The following NIT2 variants were observed in gnomAD, a reference collection of about 807,000 sequenced individuals.
NIT2 encodes the protein nitrilase family member 2, also known as omega-amidase NIT2.
In NIT2, 46 loss-of-function variants were observed where a neutral mutation model predicts 42.7. That is an observed-to-expected ratio of 1.08 (90% CI 0.85 to 1.38). The LOEUF (loss-of-function observed/expected upper bound fraction) is 1.38, where lower values mean the gene tolerates loss of function less well. Ranked by LOEUF, NIT2 falls within the 40% of genes most tolerant of loss-of-function variation. The probability of loss-of-function intolerance (pLI) is 0.00; values close to 1 mark genes in which losing one functional copy is unlikely to be tolerated. For missense variants in NIT2, 309 were observed against 342.5 expected (o/e 0.90, Z 0.77); for synonymous variants, 123 against 121.9 (o/e 1.01, Z -0.06).
At position 100,338,973 on chromosome 3, in the gene NIT2, C is replaced by T; in HGVS notation, c.8-114C>T. ...TTGTGGCATCAAAGGTATCTTCAGA[C>T]ATTGTCAGATGTCCCCCCGGGGACA... On this transcript the variant is annotated intron_variant, in intron 1 of 9. Coordinates refer to ENST00000394140, the MANE Select transcript of NIT2 (RefSeq NM_020202.5). 9 of 760,534 alleles carry T rather than the reference C, an allele frequency of 1.2e-5. No homozygotes were observed. In the South Asian group the frequency reaches 1.3e-4, roughly 11 times the overall value. 47.1% of individuals were successfully genotyped at this position (760,534 alleles called of 1,614,324 possible). A position where few individuals can be genotyped will look rare whatever the true frequency, so the allele number is the denominator to read the frequency against.
intron 3 of NIT2, among the ~76,000 whole-genome samples, chr3:100,340,848 A>C (rs1576199103): frequency 6.6e-6 from 1 of 152,182 alleles, no homozygotes; most frequent in Non-Finnish European, 1.5e-5. Flanking sequence ...GAAAGATCAT[A>C]TTCAAGAAGG....
Position 100,352,310 on chromosome 3 carries a change from T to C in NIT2, c.585-94T>C, listed in dbSNP as rs539758439. ...TCTACATCTGAGTTAGCCTGAACTATCCTATTTTTTAAAAGAAGGATCTAT... is the reference window on the plus strand; with the variant it reads ...TCTACATCTGAGTTAGCCTGAACTACCCTATTTTTTAAAAGAAGGATCTAT... On this transcript the variant is annotated intron_variant, in intron 7 of 9. Coordinates refer to ENST00000394140, the MANE Select transcript of NIT2 (RefSeq NM_020202.5). 5.4e-6 allele frequency: 5 copies of C among 929,276 alleles called. No individual in the cohort carries two copies. In the South Asian group the frequency reaches 7.4e-5, roughly 14 times the overall value. 57.6% of individuals were successfully genotyped at this position (929,276 alleles called of 1,614,324 possible). A position where few individuals can be genotyped will look rare whatever the true frequency, so the allele number is the denominator to read the frequency against.
At chr3:100,343,051 C>CA (rs1706173179) in intron 4 of NIT2, among the ~76,000 whole-genome samples, 1 of 142,954 alleles carries the variant, frequency 7.0e-6, no homozygotes, top group East Asian at 2.0e-4. Context: ...GTTATCTAGC[C>CA]TTTTTTTTTT....
intron 1 of NIT2, among the ~76,000 whole-genome samples, chr3:100,337,099 G>A (rs1452261326): frequency 1.3e-5 from 2 of 152,206 alleles, no homozygotes; most frequent in East Asian, 1.9e-4. Context: ...ATCTTGCACA[G>A]CCCTTAATCC....
chr3:100,361,122 G>C lies in NIT2; in HGVS notation c.*5854G>C, dbSNP rs1706379974. On this transcript the variant is annotated 3_prime_UTR_variant, in exon 10 of 10. Transcript: ENST00000394140. Reference sequence around the variant, plus strand: ...ATTCAGAAAACTAGTTTTCAAGAAGGGTAACATCTTAGACCTTTTACAGCT... The same window carrying C: ...ATTCAGAAAACTAGTTTTCAAGAAGCGTAACATCTTAGACCTTTTACAGCT... 1 of 152,890 alleles carries C rather than the reference G, an allele frequency of 6.5e-6. No homozygotes were observed. The highest frequency in any genetic ancestry group is 1.9e-4 in the East Asian group (1 of 5,180). 9.5% of individuals were successfully genotyped at this position (152,890 alleles called of 1,614,324 possible).
At position 100,357,017 on chromosome 3, in the gene NIT2, T is replaced by TAAA. The variant is rs1706331243; in HGVS notation, c.*1750_*1751insAAA. 6.6e-6 allele frequency: 1 copy of TAAA among 152,250 alleles called. No individual in the cohort carries two copies. The highest frequency in any genetic ancestry group is 2.4e-5 in the African/African-American group (1 of 41,468). 9.4% of individuals were successfully genotyped at this position (152,250 alleles called of 1,614,324 possible). A position where few individuals can be genotyped will look rare whatever the true frequency, so the allele number is the denominator to read the frequency against. On this transcript the variant is annotated 3_prime_UTR_variant, in exon 10 of 10. Coordinates refer to ENST00000394140, the MANE Select transcript of NIT2 (RefSeq NM_020202.5). ...TCTTTCATTTTTAGACGGAAGCATT[T>TAAA]AGACCTCAAAATTACTTGGAGATTC...
chr3:100,356,274 G>C lies in NIT2; in HGVS notation c.*1006G>C, dbSNP rs949321311. 1 of 152,180 alleles carries C rather than the reference G, an allele frequency of 6.6e-6. No homozygotes were observed. Among genetic ancestry groups the C allele is most frequent in the African/African-American group, 2.4e-5 (1 of 41,450 alleles). The allele number at this position is 152,180 out of a possible 1,614,324, so 9.4% of individuals were successfully genotyped here. A position where few individuals can be genotyped will look rare whatever the true frequency, so the allele number is the denominator to read the frequency against. The stretch of plus-strand genomic sequence containing the variant: ...TGAACAACCAGCTATTTGAGAAAAA[G>C]CCCTGATTTTGCTGCTTTTCATGGT... On this transcript the variant is annotated 3_prime_UTR_variant, in exon 10 of 10. Coordinates refer to ENST00000394140, the MANE Select transcript of NIT2 (RefSeq NM_020202.5).
Position 100,345,656 on chromosome 3 carries a change from T to C in NIT2, c.408T>C (p.Asp136=). The C allele has an allele frequency of 6.2e-7, 1 of 1,612,204 alleles. No individual in the cohort carries two copies. The highest frequency in any genetic ancestry group is 8.5e-7 in the Non-Finnish European group (1 of 1,178,418). ...AATCTAAAACATTGAGTCCGGGTGA[T>C]AGTTTCTCCACATTTGATACTCGTA... The part of the protein sequence containing the change: ...FQESKTLSPG[D]SFSTFDTPYC... The change falls in exon 5 of 10, where the codon GAT becomes GAC. Residue 136 remains aspartate (D), a synonymous_variant. Coordinates refer to ENST00000394140, the MANE Select transcript of NIT2 (RefSeq NM_020202.5).
At position 100,341,130 on chromosome 3, in the gene NIT2, C is replaced by T. The variant is rs1164618918; in HGVS notation, c.305C>T (p.Pro102Leu). 5 of 1,613,240 alleles carry T rather than the reference C, an allele frequency of 3.1e-6. No individual in the cohort carries two copies. In the Admixed American group the frequency reaches 8.3e-5, roughly 27 times the overall value. Reference sequence around the variant, plus strand: ...TATAACACCTGTGCTGTGTTTGGGCCTGATGGAACTTTACTAGCAAAGTAT... The same window carrying T: ...TATAACACCTGTGCTGTGTTTGGGCTTGATGGAACTTTACTAGCAAAGTAT... ...KLYNTCAVFG[P>L]DGTLLAKYRK... is the part of the protein sequence containing the mutation. The change falls in exon 4 of 10, where the codon CCT becomes CTT. Residue 102 changes from proline to leucine, a missense_variant. Coordinates refer to ENST00000394140, the MANE Select transcript of NIT2 (RefSeq NM_020202.5).
intron 1 of NIT2, 65 bp downstream of exon 1, chr3:100,334,863 C>G: frequency 7.9e-7 from 1 of 1,272,674 alleles, no homozygotes. Context: ...GGAGCGGCGC[C>G]GGCGGTGGCT....
In NIT2 at chr3:100,358,244, T is replaced by C. The variant is rs757914889; in HGVS notation, c.*2976T>C. 2.0e-5 allele frequency: 3 copies of C among 152,194 alleles called. No individual in the cohort carries two copies. Among genetic ancestry groups the C allele is most frequent in the Non-Finnish European group, 2.9e-5 (2 of 68,032 alleles). 9.4% of individuals were successfully genotyped at this position (152,194 alleles called of 1,614,324 possible). On this transcript the variant is annotated 3_prime_UTR_variant, in exon 10 of 10. Transcript: ENST00000394140. ...CATTTTATTCTCAGAAAATGTGTGGTAACCTGGCCCTGGATTTTACCTTTT... is the reference window on the plus strand; with the variant it reads ...CATTTTATTCTCAGAAAATGTGTGGCAACCTGGCCCTGGATTTTACCTTTT...
At chr3:100,355,110 G>C in intron 9 of NIT2, 67 bp from the exon 10 acceptor site, 1 of 1,190,830 alleles carries the variant, frequency 8.4e-7, no homozygotes. Context: ...TACAGTCAGG[G>C]GAAGAAATCC....
rs777638949 is a variant in NIT2, at chr3:100,339,922, A to G, written c.234A>G (p.Ile78Met). The G allele has an allele frequency of 1.9e-6, 3 of 1,612,854 alleles. No individual in the cohort carries two copies. The highest frequency in any genetic ancestry group is 1.7e-5 in the Admixed American group (1 of 59,852). ...KLSEVAKECS[I>M]YLIGGSIPEE... is the part of the protein sequence containing the mutation. ...CTGAAGTAGCAAAGGAATGCAGCAT[A>G]TATCTCATTGGAGGTAACTTCCTAC... is the stretch of plus-strand genomic sequence containing the variant. The change falls in exon 3 of 10, where the codon ATA becomes ATG. Residue 78 changes from isoleucine (I) to methionine (M), a missense_variant. Ile to Met is a conservative substitution (Grantham distance 10). Coordinates refer to ENST00000394140, the MANE Select transcript of NIT2 (RefSeq NM_020202.5).
At chr3:100,341,752 G>A (rs990852981) in intron 4 of NIT2, among the ~76,000 whole-genome samples, 36 of 151,826 alleles carry the variant, frequency 2.4e-4, no homozygotes, top group African/African-American at 7.5e-4. Flanking sequence ...TATTAAATGC[G>A]TATACATGAC....
Position 100,359,729 on chromosome 3 carries a change from T to C in NIT2, c.*4461T>C, listed in dbSNP as rs1706358047. The stretch of plus-strand genomic sequence containing the variant: ...AGCTACATGCATGGTCTTCAATATA[T>C]GCCGATAATTCTCATTCACATAGCT... On this transcript the variant is annotated 3_prime_UTR_variant, in exon 10 of 10. Coordinates refer to ENST00000394140, the MANE Select transcript of NIT2 (RefSeq NM_020202.5). 1 of 152,242 alleles carries C rather than the reference T, an allele frequency of 6.6e-6. No homozygotes were observed. The highest frequency in any genetic ancestry group is 6.5e-5 in the Admixed American group (1 of 15,282). 9.4% of individuals were successfully genotyped at this position (152,242 alleles called of 1,614,324 possible).
Position 100,360,003 on chromosome 3 carries a change from A to C in NIT2, c.*4735A>C, listed in dbSNP as rs1014409400. 6 of 152,244 alleles carry C rather than the reference A, an allele frequency of 3.9e-5. No individual in the cohort carries two copies. The highest frequency in any genetic ancestry group is 1.4e-4 in the African/African-American group (6 of 41,452). The allele number at this position is 152,244 out of a possible 1,614,324, so 9.4% of individuals were successfully genotyped here. ...TTTAGAGACTACCTTCCTCTGAAGC[A>C]TATGACAGGTTCATTTACTATCCAG... On this transcript the variant is annotated 3_prime_UTR_variant, in exon 10 of 10. Coordinates refer to ENST00000394140, the MANE Select transcript of NIT2 (RefSeq NM_020202.5).
intron 6 of NIT2, among the ~76,000 whole-genome samples, chr3:100,347,783 G>A (rs147582857): frequency 1.3e-5 from 2 of 152,280 alleles, no homozygotes; most frequent in East Asian, 3.9e-4. Flanking sequence ...AGAAAATAGT[G>A]GAAGTATGGA....
At chr3:100,348,232 C>T (rs949309098) in intron 6 of NIT2, among the ~76,000 whole-genome samples, 3 of 152,192 alleles carry the variant, frequency 2.0e-5, no homozygotes, top group South Asian at 2.1e-4. Context: ...ATATTCATGA[C>T]GCTTCCTAGA....
chr3:100,352,242 A>T (rs535443820), intron 7 of NIT2, among the ~76,000 whole-genome samples, 162 bp from the exon 8 acceptor site: 1 of 152,326 alleles, frequency 6.6e-6, no homozygotes, highest in South Asian at 2.1e-4. Flanking sequence ...CCATTTGAGT[A>T]AGGTAACTTT....
Sources: gnomAD v4.1 joint callset for allele counts (sites outside exome capture counted in the v4.1 genomes callset) on GRCh38, gnomAD v4.1.1 for gene constraint, MANE v1.5 for transcripts, NCBI Gene and HGNC (gene_info 2026-07-23, HGNC 2026-07-21) for gene names.